Variants in ZNF211 observed in about 807,000 individuals in gnomAD.
ZNF211 encodes zinc finger protein 211.
A neutral mutation model predicts 12.1 loss-of-function variants in ZNF211; 18 were observed. The ratio of observed to expected loss-of-function variants is 1.48; its 90% CI spans 1.03 to 2.20. ZNF211 has a LOEUF of 2.20. Among genes scored for constraint, ZNF211 ranks in the 30% most tolerant of loss-of-function variants. The pLI is 0.00. For missense variants in ZNF211, 677 were observed against 703.1 expected (o/e 0.96, Z 0.42); for synonymous variants, 249 against 246.0 (o/e 1.01, Z -0.11).
chr19:57,641,160 GA>G lies in ZNF211; in HGVS notation c.718del (p.Ser240ValfsTer15), dbSNP rs771160877. ...AAGTGTGCGGTGGCCTTTTACAGTG[GA>G]AAAAGTCATCACAACTGGGGAAAAT... ...SNKCAVAFYS[G>X]KSHHNWGKCS... On this transcript the variant is annotated frameshift_variant, in exon 4 of 4. Coordinates refer to ENST00000240731, the MANE Select transcript of ZNF211 (RefSeq NM_006385.5). LOFTEE classifies it low-confidence loss of function (END_TRUNC). The G allele has an allele frequency of 9.3e-6, 15 of 1,614,030 alleles. No individual in the cohort carries two copies. The highest frequency in any genetic ancestry group is 1.3e-5 in the Non-Finnish European group (15 of 1,180,036).
chr19:57,634,476 A>G (rs539396720), intron 2 of ZNF211, among the ~76,000 whole-genome samples, 153 bp from the exon 3 acceptor site: 2 of 152,276 alleles, frequency 1.3e-5, no homozygotes, highest in South Asian at 4.1e-4. Flanking sequence ...CACAGTGACT[A>G]ATGGGAATGT....
intron 3 of ZNF211, chr19:57,640,179 T>A: frequency 8.0e-7 from 1 of 1,255,062 alleles, no homozygotes; most frequent in Non-Finnish European, 1.1e-6. Flanking sequence ...TTTACAAACT[T>A]GTTATTTCTA....
Position 57,642,294 on chromosome 19 carries a change from C to A in ZNF211, c.*113C>A. The A allele has an allele frequency of 2.5e-6, 3 of 1,205,362 alleles. No individual in the cohort carries two copies. Among genetic ancestry groups the A allele is most frequent in the Non-Finnish European group, 3.4e-6 (3 of 874,170 alleles). The allele number at this position is 1,205,362 out of a possible 1,614,324, so 74.7% of individuals were successfully genotyped here. A position where few individuals can be genotyped will look rare whatever the true frequency, so the allele number is the denominator to read the frequency against. Reference sequence around the variant, plus strand: ...CCAACATCTAAGGATATACAGTGGGCGGATTCCCCTTAAGTTCCAGGTATG... The same window carrying A: ...CCAACATCTAAGGATATACAGTGGGAGGATTCCCCTTAAGTTCCAGGTATG... On this transcript the variant is annotated 3_prime_UTR_variant, in exon 4 of 4. Transcript: ENST00000240731.
chr19:57,640,803 C>T lies in ZNF211; in HGVS notation c.356C>T (p.Ser119Phe). Residue 119 changes from serine to phenylalanine, a missense_variant, in exon 4 of 4, where the codon TCC (serine) becomes TTC (phenylalanine). Transcript: ENST00000240731. The stretch of plus-strand genomic sequence containing the variant: ...AGGACTTCCAAAGAAGGTTCATCTT[C>T]CCAGAATGCCGACTCCTGTGAAATA... The part of the protein sequence containing the change: ...QFRTSKEGSS[S>F]QNADSCEICC... 1.2e-6 allele frequency: 2 copies of T among 1,614,212 alleles called. No individual in the cohort carries two copies. Among genetic ancestry groups the T allele is most frequent in the East Asian group, 2.2e-5 (1 of 44,896 alleles).
In ZNF211 at chr19:57,642,126, G is replaced by A. The variant is rs763011794; in HGVS notation, c.1679G>A (p.Gly560Asp). 4.3e-6 allele frequency: 7 copies of A among 1,613,826 alleles called. No individual in the cohort carries two copies. The African/African-American group carries it at 8.0e-5, about 18-fold the overall frequency. ...YQCSQCGKSF[G>D]CKSVLIQHQR... ...TGCAGTCAATGTGGGAAATCCTTTG[G>A]CTGCAAATCTGTCCTCATTCAACAC... Residue 560 changes from glycine (G) to aspartate (D), a missense_variant, in exon 4 of 4, where the codon GGC becomes GAC. Gly to Asp is a moderately conservative substitution (Grantham distance 94). Coordinates refer to ENST00000240731, the MANE Select transcript of ZNF211 (RefSeq NM_006385.5).
rs1983046648 is a variant in ZNF211, at chr19:57,642,099, A to G, written c.1652A>G (p.Gln551Arg). 1.2e-6 allele frequency: 2 copies of G among 1,614,006 alleles called. No individual in the cohort carries two copies. Among genetic ancestry groups the G allele is most frequent in the Non-Finnish European group, 8.5e-7 (1 of 1,179,952 alleles). Residue 551 changes from glutamine to arginine, a missense_variant, in exon 4 of 4, where the codon CAG becomes CGG. Physicochemically the swap from Gln to Arg is conservative, Grantham distance 43. Transcript: ENST00000240731. Reference protein sequence around the residue: ...RRVHTGKRPYQCSQCGKSFGC... With the variant: ...RRVHTGKRPYRCSQCGKSFGC... ...GTTCACACGGGAAAAAGGCCTTATC[A>G]GTGCAGTCAATGTGGGAAATCCTTT...
rs1451155710 is a variant in ZNF211 at position 57,634,657 on chromosome 19, T to C, written c.158T>C (p.Val53Ala). 6.2e-7 allele frequency: 1 copy of C among 1,602,524 alleles called. No individual in the cohort carries two copies. The highest frequency in any genetic ancestry group is 1.3e-5 in the African/African-American group (1 of 74,366). ...AGTGTGACCTTTGAAGATGTGGCCG[T>C]GTACTTCTCCTGGGAGGAATGGGAT... is the stretch of plus-strand genomic sequence containing the variant. ...QGSVTFEDVA[V>A]YFSWEEWDLL... The change falls in exon 3 of 4, where the codon GTG (valine) becomes GCG (alanine). Residue 53 changes from valine (V) to alanine (A), a missense_variant. Val to Ala is a moderately conservative substitution (Grantham distance 64, BLOSUM62 0). Transcript: ENST00000240731.
intron 2 of ZNF211, 110 bp downstream of exon 2, chr19:57,634,171 C>T (rs949617577): frequency 2.3e-6 from 3 of 1,279,194 alleles, no homozygotes; most frequent in Middle Eastern, 2.9e-4. Flanking sequence ...ACCATTCTCT[C>T]AGCGTTTGGT....
chr19:57,642,197 G>A lies in ZNF211; in HGVS notation c.*16G>A. On this transcript the variant is annotated 3_prime_UTR_variant, in exon 4 of 4. Transcript: ENST00000240731. ...AAAGCCTTAGCTGTACTGAGAATAT[G>A]CAATTTCCTTTTAGTGTAATTATAC... 1 of 1,571,324 alleles carries A rather than the reference G, an allele frequency of 6.4e-7. No individual in the cohort carries two copies. Among genetic ancestry groups the A allele is most frequent in the Non-Finnish European group, 8.6e-7 (1 of 1,158,598 alleles).
Position 57,640,746 on chromosome 19 carries a change from A to G in ZNF211, c.299A>G (p.Gln100Arg), listed in dbSNP as rs1982785718. Residue 100 changes from glutamine to arginine, a missense_variant, in exon 4 of 4, where the codon CAG becomes CGG. Coordinates refer to ENST00000240731, the MANE Select transcript of ZNF211 (RefSeq NM_006385.5). Reference sequence around the variant, plus strand: ...GAACATGAGGAAACACCTTCTGAACAGAGAATTTCTGGAGAAAGAGTGCCA... The same window carrying G: ...GAACATGAGGAAACACCTTCTGAACGGAGAATTTCTGGAGAAAGAGTGCCA... ...GVEHEETPSE[Q>R]RISGERVPQF... is the part of the protein sequence containing the mutation. 2 of 1,614,254 alleles carry G rather than the reference A, an allele frequency of 1.2e-6. No individual in the cohort carries two copies. Among genetic ancestry groups the G allele is most frequent in the Non-Finnish European group, 1.7e-6 (2 of 1,180,040 alleles).
At chr19:57,640,382 A>T (rs1378550429) in intron 3 of ZNF211, among the ~76,000 whole-genome samples, 1 of 152,164 alleles carries the variant, frequency 6.6e-6, no homozygotes, top group Non-Finnish European at 1.5e-5. Context: ...GGGCCTGGGC[A>T]TACACTTCAC....
intron 3 of ZNF211, among the ~76,000 whole-genome samples, chr19:57,637,897 T>C (rs1982348769): frequency 7.6e-6 from 1 of 130,728 alleles, no homozygotes; most frequent in Non-Finnish European, 1.6e-5. Flanking sequence ...AGGTTTGTCT[T>C]TTTTTTTTTT....
intron 1 of ZNF211, chr19:57,633,687 T>G: frequency 6.5e-7 from 1 of 1,534,012 alleles, no homozygotes; most frequent in East Asian, 2.5e-5. Context: ...GAACAAAGTT[T>G]GAGAGAGATC....
At chr19:57,635,047 C>G (rs1368770506) in intron 3 of ZNF211, 2 of 736,086 alleles carry the variant, frequency 2.7e-6, no homozygotes, top group Non-Finnish European at 3.3e-6. Flanking sequence ...TTTTCCCTCC[C>G]TTCGTGTACC....
In ZNF211 at chr19:57,643,403, A is replaced by G. The variant is rs374071642; in HGVS notation, c.*1222A>G. Reference sequence around the variant, plus strand: ...TGAGGTGACTGTCAAAAAATAATAAACAACCTAAAGGTTTTGTGTATTCCA... The same window carrying G: ...TGAGGTGACTGTCAAAAAATAATAAGCAACCTAAAGGTTTTGTGTATTCCA... On this transcript the variant is annotated 3_prime_UTR_variant, in exon 4 of 4. Transcript: ENST00000240731. Among the ~76,000 whole-genome samples the G allele has an allele frequency of 2.8e-4, 43 of 152,280 alleles. No homozygotes were observed. Among genetic ancestry groups the G allele is most frequent in the African/African-American group, 9.6e-4 (40 of 41,542 alleles).
Position 57,641,558 on chromosome 19 carries a change from C to G in ZNF211, c.1111C>G (p.Gln371Glu), listed in dbSNP as rs1163880504. The change falls in exon 4 of 4, where the codon CAG becomes GAG. Residue 371 changes from glutamine to glutamate, a missense_variant. By Grantham distance (29) the Gln-to-Glu change is conservative. Coordinates refer to ENST00000240731, the MANE Select transcript of ZNF211 (RefSeq NM_006385.5). ...KSFSQRSNLM[Q>E]HRRVHTGERP... ...TTTTAGCCAAAGGTCCAACCTCATG[C>G]AGCATCGCAGAGTTCACACTGGAGA... The G allele has an allele frequency of 6.2e-7, 1 of 1,612,152 alleles. No homozygotes were observed. Among genetic ancestry groups the G allele is most frequent in the Middle Eastern group, 1.7e-4 (1 of 6,044 alleles).
Position 57,642,076 on chromosome 19 carries a change from T to C in ZNF211, c.1629T>C (p.Val543=), listed in dbSNP as rs1286534655. The C allele has an allele frequency of 6.2e-7, 1 of 1,613,956 alleles. No individual in the cohort carries two copies. The highest frequency in any genetic ancestry group is 1.3e-5 in the African/African-American group (1 of 74,928). Residue 543 remains valine, a synonymous_variant, in exon 4 of 4, where the codon GTT becomes GTC. Coordinates refer to ENST00000240731, the MANE Select transcript of ZNF211 (RefSeq NM_006385.5). ...CTAGCCTCATTCAACACCGCAGAGTTCACACGGGAAAAAGGCCTTATCAGT... is the reference window on the plus strand; with the variant it reads ...CTAGCCTCATTCAACACCGCAGAGTCCACACGGGAAAAAGGCCTTATCAGT... ...QSSSLIQHRR[V]HTGKRPYQCS...
At position 57,640,726 on chromosome 19, in the gene ZNF211, T is replaced by A. The variant is rs772451311; in HGVS notation, c.279T>A (p.His93Gln). 5.6e-6 allele frequency: 9 copies of A among 1,613,976 alleles called. No individual in the cohort carries two copies. The East Asian group carries it at 2.0e-4, about 36-fold the overall frequency. ...SSLGCWCGVE[H>Q]EETPSEQRIS... ...TAGGTTGTTGGTGTGGAGTGGAACA[T>A]GAGGAAACACCTTCTGAACAGAGAA... The change falls in exon 4 of 4, where the codon CAT becomes CAA. Residue 93 changes from histidine to glutamine, a missense_variant. His to Gln is a conservative substitution (Grantham distance 24, BLOSUM62 0). Transcript: ENST00000240731.
In ZNF211 at chr19:57,643,383, T is replaced by G. The variant is rs1215090816; in HGVS notation, c.*1202T>G. Among the ~76,000 whole-genome samples the G allele has an allele frequency of 6.6e-6, 1 of 151,990 alleles. No individual in the cohort carries two copies. The highest frequency in any genetic ancestry group is 1.5e-5 in the Non-Finnish European group (1 of 68,010). ...GCATGTGTATTTTTTGTAGCTGAGG[T>G]GACTGTCAAAAAATAATAAACAACC... On this transcript the variant is annotated 3_prime_UTR_variant, in exon 4 of 4. Coordinates refer to ENST00000240731, the MANE Select transcript of ZNF211 (RefSeq NM_006385.5).
Sources: gnomAD v4.1 joint callset for allele counts (sites outside exome capture counted in the v4.1 genomes callset) on GRCh38, gnomAD v4.1.1 for gene constraint, MANE v1.5 for transcripts, NCBI Gene and HGNC (gene_info 2026-07-23, HGNC 2026-07-21) for gene names.